Variants in PHKG2 observed in about 807,000 individuals in gnomAD.
PHKG2 encodes phosphorylase b kinase gamma catalytic chain, liver/testis isoform.
Under a neutral mutation model 44.5 loss-of-function variants are expected in PHKG2, and 28 were observed. That is an observed-to-expected ratio of 0.63 (90% confidence interval 0.47 to 0.86). The LOEUF is 0.86. PHKG2 is among the 40% of genes least tolerant of loss of function. PHKG2 has a pLI of 0.00. For synonymous variants in PHKG2, 220 were observed against 211.2 expected, an observed-to-expected ratio of 1.04 and a Z score of -0.36; for missense variants, 498 against 547.5, an observed-to-expected ratio of 0.91 and a Z score of 0.90.
intron 6 of PHKG2, chr16:30,754,763 T>A (rs1288122035): frequency 2.4e-6 from 1 of 422,524 alleles, no homozygotes; most frequent in Non-Finnish European, 4.9e-6. Context: ...CTTGGGTAAT[T>A]CAGGCTTCAC....
At position 30,756,878 on chromosome 16, in the gene PHKG2, T is replaced by C; in HGVS notation, c.1002T>C (p.Asn334=). 3 of 1,614,154 alleles carry C rather than the reference T, an allele frequency of 1.9e-6. No homozygotes were observed. Among genetic ancestry groups the C allele is most frequent in the East Asian group, 4.5e-5 (2 of 44,888 alleles). The change falls in exon 10 of 10, where the codon AAT becomes AAC. Residue 334 remains asparagine, a synonymous_variant. Transcript: ENST00000563588. ...STHRVRPLTK[N]ALLRDPYALR... is the part of the protein sequence containing the mutation. ...ATCGTGTACGGCCACTGACCAAGAA[T>C]GCACTGTTGAGGGACCCTTATGCGC... is the stretch of plus-strand genomic sequence containing the variant.
In PHKG2 at chr16:30,756,479, TC is replaced by T. The variant is rs776611188; in HGVS notation, c.765del (p.Glu256SerfsTer12). On this transcript the variant is annotated frameshift_variant, in exon 8 of 10. Coordinates refer to ENST00000563588, the MANE Select transcript of PHKG2 (RefSeq NM_000294.3). LOFTEE classifies it high-confidence loss of function. ...CATGGAGGGCCAGTACCAGTTCAGT[TC>T]CCCCGAGTGGGATGACCGTTCCAGC... ...MIMEGQYQFS[S>X]PEWDDRSSTV... The T allele has an allele frequency of 6.2e-7, 1 of 1,613,386 alleles. No homozygotes were observed. Among genetic ancestry groups the T allele is most frequent in the East Asian group, 2.2e-5 (1 of 44,878 alleles).
In PHKG2 at chr16:30,761,151, A is replaced by C. The variant is rs765925576; in HGVS notation, c.*4054A>C. The C allele has an allele frequency of 6.2e-7, 1 of 1,604,790 alleles. No individual in the cohort carries two copies. Among genetic ancestry groups the C allele is most frequent in the Non-Finnish European group, 8.5e-7 (1 of 1,173,200 alleles). ...CACAGACAGGACTGTTGGGGAGACA[A>C]TAAAGAACGCAAATATTCAGTGTAA... On this transcript the variant is annotated 3_prime_UTR_variant, in exon 10 of 10. Transcript: ENST00000563588.
At position 30,759,646 on chromosome 16, in the gene PHKG2, G is replaced by A; in HGVS notation, c.*2549G>A. ...GTAAAGTTTCCAGAATGTTCCAGGG[G>A]AACTGACCCTGACTCCATGGCAAAA... On this transcript the variant is annotated 3_prime_UTR_variant, in exon 10 of 10. Coordinates refer to ENST00000563588, the MANE Select transcript of PHKG2 (RefSeq NM_000294.3). 6.2e-7 allele frequency: 1 copy of A among 1,614,032 alleles called. No individual in the cohort carries two copies. Among genetic ancestry groups the A allele is most frequent in the Non-Finnish European group, 8.5e-7 (1 of 1,180,032 alleles).
rs939279227 is a variant in PHKG2 at position 30,757,950 on chromosome 16, T to TA, written c.*854dup. On this transcript the variant is annotated 3_prime_UTR_variant, in exon 10 of 10. Coordinates refer to ENST00000563588, the MANE Select transcript of PHKG2 (RefSeq NM_000294.3). ...TCCTTGTATGAAATGTGGATAGTGA[T>TA]ACCTAGCACATAGGATTGAGGGAGG... 2 of 520,826 alleles carry TA rather than the reference T, an allele frequency of 3.8e-6. No individual in the cohort carries two copies. The highest frequency in any genetic ancestry group is 3.7e-5 in the South Asian group (1 of 27,348). The allele number at this position is 520,826 out of a possible 1,614,324, so 32.3% of individuals were successfully genotyped here.
Position 30,756,826 on chromosome 16 carries a change from C to T in PHKG2, c.950C>T (p.Ala317Val), listed in dbSNP as rs767565421. 2 of 1,614,166 alleles carry T rather than the reference C, an allele frequency of 1.2e-6. No individual in the cohort carries two copies. The highest frequency in any genetic ancestry group is 1.1e-5 in the South Asian group (1 of 91,084). ...CAGGTGGCAGTGTGGACAGTGCTGG[C>T]TGCTGGACGAGTGGCCCTAAGCACC... is the stretch of plus-strand genomic sequence containing the variant. ...RFRVAVWTVL[A>V]AGRVALSTHR... The change falls in exon 10 of 10, where the codon GCT (alanine) becomes GTT (valine). Residue 317 changes from alanine (A) to valine (V), a missense_variant. Transcript: ENST00000563588.
At chr16:30,749,229 C>A (rs556570832) in intron 2 of PHKG2, among the ~76,000 whole-genome samples, 1 of 72,414 alleles carries the variant, frequency 1.4e-5, no homozygotes, top group Admixed American at 1.5e-4. Context: ...GTGTGTCTTT[C>A]GGTGGTGGTG....
At chr16:30,752,892 C>A in intron 4 of PHKG2, 1 of 384,418 alleles carries the variant, frequency 2.6e-6, no homozygotes, top group Non-Finnish European at 4.8e-6. Flanking sequence ...CTTTGTGCCA[C>A]AAAAAACTGA....
rs9926011 is a variant in PHKG2, at chr16:30,749,088, G to C, written c.95+173G>C. Among the ~76,000 whole-genome samples the C allele has an allele frequency of 0.36, 4,556 of 12,624 alleles. 947 individuals carry two copies. Among genetic ancestry groups the C allele is most frequent in the African/African-American group, 0.41 (1,189 of 2,902 alleles). The allele number at this position is 12,624 out of a possible 152,430, so 8.3% of individuals were successfully genotyped here. A position where few individuals can be genotyped will look rare whatever the true frequency, so the allele number is the denominator to read the frequency against. ...GGTGGTGGTGGTGGTGGTGGTGGTGGTGCTGCTGCTGCTGCTGCTGCTGGT... is the reference window on the plus strand; with the variant it reads ...GGTGGTGGTGGTGGTGGTGGTGGTGCTGCTGCTGCTGCTGCTGCTGCTGGT... On this transcript the variant is annotated intron_variant, in intron 2 of 9. Coordinates refer to ENST00000563588, the MANE Select transcript of PHKG2 (RefSeq NM_000294.3).
At position 30,757,990 on chromosome 16, in the gene PHKG2, T is replaced by C. The variant is rs1295654287; in HGVS notation, c.*893T>C. The C allele has an allele frequency of 1.7e-5, 5 of 301,826 alleles. No individual in the cohort carries two copies. Among genetic ancestry groups the C allele is most frequent in the African/African-American group, 8.8e-5 (4 of 45,252 alleles). The allele number at this position is 301,826 out of a possible 1,614,324, so 18.7% of individuals were successfully genotyped here. A position where few individuals can be genotyped will look rare whatever the true frequency, so the allele number is the denominator to read the frequency against. ...ATTGAGGGAGGATTAAATGAGTTAA[T>C]TTATGTAAAATGCTTAGAGCAGGGC... On this transcript the variant is annotated 3_prime_UTR_variant, in exon 10 of 10. Coordinates refer to ENST00000563588, the MANE Select transcript of PHKG2 (RefSeq NM_000294.3).
intron 1 of PHKG2, 111 bp from the exon 2 acceptor site, chr16:30,748,692 C>T (rs542539783): frequency 4.5e-6 from 2 of 445,032 alleles, no homozygotes; most frequent in Non-Finnish European, 8.7e-6. Context: ...CCCCCCACCC[C>T]CCAGGACCCT....
rs4889504 is a variant in PHKG2 at position 30,751,319 on chromosome 16, C to T, written c.271+38C>T. ...TCCTTGCTCCTGTTAGCAGACGACC[C>T]CCCACCTCCTGCTGGCCCTGCCCAT... On this transcript the variant is annotated intron_variant, in intron 3 of 9. Coordinates refer to ENST00000563588, the MANE Select transcript of PHKG2 (RefSeq NM_000294.3). 0.99 allele frequency: 1,591,021 copies of T among 1,601,210 alleles called. 790,930 individuals carry two copies. The highest frequency in any genetic ancestry group is 1 in the Non-Finnish European group (1,175,811 of 1,175,944).
In PHKG2 at chr16:30,758,972, C is replaced by T. The variant is rs561615712; in HGVS notation, c.*1875C>T. On this transcript the variant is annotated 3_prime_UTR_variant, in exon 10 of 10. Coordinates refer to ENST00000563588, the MANE Select transcript of PHKG2 (RefSeq NM_000294.3). ...ATCCAAACCCTTCATTCTACACCTGCTCAGAGGGACAGGGCAGCCTGCCCT... is the reference window on the plus strand; with the variant it reads ...ATCCAAACCCTTCATTCTACACCTGTTCAGAGGGACAGGGCAGCCTGCCCT... The T allele has an allele frequency of 8.1e-6, 13 of 1,612,416 alleles. No homozygotes were observed. In the East Asian group the frequency reaches 2.7e-4, roughly 33 times the overall value.
In PHKG2 at chr16:30,755,024, T is replaced by C. The variant is rs76480214; in HGVS notation, c.557-1158T>C. The C allele has an allele frequency of 1.8e-3, 749 of 418,248 alleles. 4 individuals are homozygous for C. Among genetic ancestry groups the C allele is most frequent in the African/African-American group, 0.014 (681 of 49,250 alleles). 25.9% of individuals were successfully genotyped at this position (418,248 alleles called of 1,614,324 possible). On this transcript the variant is annotated intron_variant, in intron 6 of 9. Transcript: ENST00000563588. ...GTTAAAATCTCCTGGAAGTGTGCCATGGAACAAGGTTCAGAAAGTACTGGA... is the reference window on the plus strand; with the variant it reads ...GTTAAAATCTCCTGGAAGTGTGCCACGGAACAAGGTTCAGAAAGTACTGGA...
intron 4 of PHKG2, among the ~76,000 whole-genome samples, chr16:30,752,098 ATAAAG>A (rs901568324): frequency 6.9e-6 from 1 of 144,808 alleles, no homozygotes; most frequent in Non-Finnish European, 1.5e-5. Context: ...ATCTCAAAAA[ATAAAG>A]TAATAGTGAC....
chr16:30,758,803 C>G lies in PHKG2; in HGVS notation c.*1706C>G. 1.3e-6 allele frequency: 1 copy of G among 796,200 alleles called. No individual in the cohort carries two copies. Among genetic ancestry groups the G allele is most frequent in the Non-Finnish European group, 1.9e-6 (1 of 522,186 alleles). 49.3% of individuals were successfully genotyped at this position (796,200 alleles called of 1,614,324 possible). On this transcript the variant is annotated 3_prime_UTR_variant, in exon 10 of 10. Transcript: ENST00000563588. ...CTCCTGAGCTCAGGCAATCCGCCTG[C>G]CTCAGATTGTGCTGGGATTACAGGT...
Position 30,759,310 on chromosome 16 carries a change from A to C in PHKG2, c.*2213A>C. On this transcript the variant is annotated 3_prime_UTR_variant, in exon 10 of 10. Coordinates refer to ENST00000563588, the MANE Select transcript of PHKG2 (RefSeq NM_000294.3). ...CCTGTGCTGAGGGGAGGGGCGGTTGAGGGTGGCTCCTCATGGTCCACCACC... is the reference window on the plus strand; with the variant it reads ...CCTGTGCTGAGGGGAGGGGCGGTTGCGGGTGGCTCCTCATGGTCCACCACC... The C allele has an allele frequency of 1.9e-6, 3 of 1,612,612 alleles. No individual in the cohort carries two copies. The highest frequency in any genetic ancestry group is 1.7e-6 in the Non-Finnish European group (2 of 1,178,848).
Position 30,757,297 on chromosome 16 carries a change from G to A in PHKG2, c.*200G>A, listed in dbSNP as rs375389458. The A allele has an allele frequency of 2.6e-6, 4 of 1,535,626 alleles. No individual in the cohort carries two copies. The highest frequency in any genetic ancestry group is 2.5e-5 in the South Asian group (2 of 79,584). On this transcript the variant is annotated 3_prime_UTR_variant, in exon 10 of 10. Transcript: ENST00000563588. ...GGGGTGGAAGGGAGCCATTCTGAACGCCACGCCTGGCCCGGTCAGTGCTGC... is the reference window on the plus strand; with the variant it reads ...GGGGTGGAAGGGAGCCATTCTGAACACCACGCCTGGCCCGGTCAGTGCTGC...
In PHKG2 at chr16:30,756,455, A is replaced by G. The variant is rs751109671; in HGVS notation, c.736A>G (p.Met246Val). ...GCAGATCCTGATGTTACGCATGATC[A>G]TGGAGGGCCAGTACCAGTTCAGTTC... ...RRQILMLRMIMEGQYQFSSPE... is the reference protein window; with the variant it reads ...RRQILMLRMIVEGQYQFSSPE... Residue 246 changes from methionine (M) to valine (V), a missense_variant, in exon 8 of 10, where the codon ATG becomes GTG. Coordinates refer to ENST00000563588, the MANE Select transcript of PHKG2 (RefSeq NM_000294.3). 4 of 1,613,866 alleles carry G rather than the reference A, an allele frequency of 2.5e-6. No homozygotes were observed. The highest frequency in any genetic ancestry group is 1.7e-5 in the Admixed American group (1 of 60,018).
Sources: gnomAD v4.1 joint callset for allele counts (sites outside exome capture counted in the v4.1 genomes callset) on GRCh38, gnomAD v4.1.1 for gene constraint, MANE v1.5 for transcripts, NCBI Gene and HGNC (gene_info 2026-07-23, HGNC 2026-07-21) for gene names.